Variants in CLUL1 observed in about 807,000 individuals in gnomAD.
CLUL1 encodes the protein clusterin like 1.
A neutral mutation model predicts 49.4 loss-of-function variants in CLUL1; 43 were observed. That is an observed-to-expected ratio of 0.87 (90% CI 0.68 to 1.12). The LOEUF is 1.12. Among genes scored for constraint, CLUL1 ranks in the 50% most tolerant of loss-of-function variants. The probability of loss-of-function intolerance (pLI) is 0.00; values close to 1 mark genes in which losing one functional copy is unlikely to be tolerated. For missense variants in CLUL1, 486 were observed against 544.4 expected, an observed-to-expected ratio of 0.89 and a Z score of 1.07; for synonymous variants, 192 against 184.9, an observed-to-expected ratio of 1.04 and a Z score of -0.31.
At chr18:602,146 T>C (rs1404926606) in intron 1 of CLUL1, among the ~76,000 whole-genome samples, 1 of 152,236 alleles carries the variant, frequency 6.6e-6, no homozygotes, top group Non-Finnish European at 1.5e-5. Flanking sequence ...ATGCAATACA[T>C]GCCCTGACAT....
At chr18:642,849 A>C (rs2074381739) in intron 8 of CLUL1, among the ~76,000 whole-genome samples, 1 of 152,222 alleles carries the variant, frequency 6.6e-6, no homozygotes, top group Admixed American at 6.5e-5. Context: ...CTGCAGGATC[A>C]GGCTGAGGCT....
intron 2 of CLUL1, among the ~76,000 whole-genome samples, chr18:611,239 T>C (rs556354985): frequency 6.6e-6 from 1 of 151,014 alleles, no homozygotes; most frequent in East Asian, 1.9e-4. Flanking sequence ...CCCACCTTTT[T>C]TTTTTTTTTT....
chr18:614,371 AAAG>A (rs2073233438), intron 2 of CLUL1: 1 of 151,696 alleles, frequency 6.6e-6, no homozygotes, highest in African/African-American at 2.4e-5. Flanking sequence ...AAGGAAGGAA[AAAG>A]AAGAGAGGAA....
intron 2 of CLUL1, chr18:613,149 T>C: frequency 1.1e-5 from 3 of 281,790 alleles, no homozygotes; most frequent in Non-Finnish European, 1.7e-5. Context: ...TTTATTGTAT[T>C]TTTTTTGAGA....
intron 3 of CLUL1, 35 bp from the exon 4 acceptor site, chr18:619,178 A>G: frequency 6.2e-7 from 1 of 1,602,582 alleles, no homozygotes; most frequent in Non-Finnish European, 8.5e-7. Context: ...TAATCTGATC[A>G]GATCTCAAAG....
chr18:640,852 T>C (rs1465281009), intron 7 of CLUL1, among the ~76,000 whole-genome samples: 1 of 152,230 alleles, frequency 6.6e-6, no homozygotes. Flanking sequence ...CTTTTTTTTT[T>C]CACTATTTAC....
intron 1 of CLUL1, among the ~76,000 whole-genome samples, chr18:600,073 A>T (rs978252087): frequency 6.6e-6 from 1 of 152,114 alleles, no homozygotes; most frequent in African/African-American, 2.4e-5. Context: ...CTAAAAGCAA[A>T]CTGTTGTTAG....
intron 8 of CLUL1, 103 bp downstream of exon 8, chr18:641,644 A>G: frequency 2.1e-6 from 2 of 964,936 alleles, no homozygotes; most frequent in Non-Finnish European, 1.6e-6. Context: ...AACAAGCTGT[A>G]GGAGGTATTC....
Position 645,042 on chromosome 18 carries a change from A to G in CLUL1, c.1342A>G (p.Ile448Val). The change falls in exon 9 of 10, where the codon ATT (isoleucine) becomes GTT (valine). Residue 448 changes from isoleucine to valine, a missense_variant. Ile to Val is a conservative substitution (Grantham distance 29). Transcript: ENST00000692774. ...LEESAESSNFIGYVVAKALQH... is the reference protein window; with the variant it reads ...LEESAESSNFVGYVVAKALQH... ...AGAAAGTGCTGAGAGTTCTAACTTC[A>G]TTGGCTACGTAGTGGCAAAAGCTCT... The G allele has an allele frequency of 1.9e-6, 3 of 1,612,242 alleles. No individual in the cohort carries two copies. Among genetic ancestry groups the G allele is most frequent in the Non-Finnish European group, 2.5e-6 (3 of 1,179,206 alleles).
chr18:645,652 G>A (rs1360323831), intron 9 of CLUL1, among the ~76,000 whole-genome samples: 3 of 150,228 alleles, frequency 2.0e-5, no homozygotes, highest in Non-Finnish European at 3.0e-5. Flanking sequence ...AAATTAGCCG[G>A]GCGTGGTGGC....
chr18:597,936 A>G (rs2072702781), intron 1 of CLUL1: 1 of 152,100 alleles, frequency 6.6e-6, no homozygotes. Context: ...GCTACCTTAA[A>G]CCGATTACTC....
chr18:635,248 C>G (rs375650629), intron 7 of CLUL1, among the ~76,000 whole-genome samples: 15 of 152,228 alleles, frequency 9.9e-5, no homozygotes, highest in African/African-American at 3.6e-4. Context: ...GCAGGGGGCA[C>G]GTTTGGGGAT....
In CLUL1 at chr18:618,558, T is replaced by C. The variant is rs1251967820; in HGVS notation, c.106+452T>C. Among the ~76,000 whole-genome samples, 1 of 152,196 alleles carries C rather than the reference T, an allele frequency of 6.6e-6. No homozygotes were observed. Among genetic ancestry groups the C allele is most frequent in the Non-Finnish European group, 1.5e-5 (1 of 68,032 alleles). ...TAACTTGCAACTTTGCTTGGTGATA[T>C]ATACTTTGGGTACTTAATATATAGA... On this transcript the variant is annotated intron_variant, in intron 3 of 9. Coordinates refer to ENST00000692774, the MANE Select transcript of CLUL1 (RefSeq NM_001393344.1). This position sits in a 1 kb window ranked among gnomAD's most constrained non-coding sequence, Gnocchi z 4.2.
At position 649,893 on chromosome 18, in the gene CLUL1, T is replaced by TTG; in HGVS notation, c.1398-4_1398-3insGT. 7.2e-7 allele frequency: 1 copy of TTG among 1,396,004 alleles called. No homozygotes were observed. The highest frequency in any genetic ancestry group is 1.0e-6 in the Non-Finnish European group (1 of 992,104). The allele number at this position is 1,396,004 out of a possible 1,614,324, so 86.5% of individuals were successfully genotyped here. On this transcript the variant is annotated splice_region_variant and splice_polypyrimidine_tract_variant and intron_variant, in intron 9 of 9. Coordinates refer to ENST00000692774, the MANE Select transcript of CLUL1 (RefSeq NM_001393344.1). Reference sequence around the variant, plus strand: ...ATCATTGCTGCCTTTTTTTTTTTTTTTAAGGTAAGAAGATCTAATGCATCC... The same window carrying TTG: ...ATCATTGCTGCCTTTTTTTTTTTTTTTGTAAGGTAAGAAGATCTAATGCATCC...
At chr18:644,523 G>A (rs1444935061) in intron 8 of CLUL1, among the ~76,000 whole-genome samples, 1 of 152,314 alleles carries the variant, frequency 6.6e-6, no homozygotes, top group Non-Finnish European at 1.5e-5. Flanking sequence ...GTGGTTAAAC[G>A]TTGCCATGTG....
chr18:637,087 T>C (rs571247371), intron 7 of CLUL1, among the ~76,000 whole-genome samples: 35 of 149,638 alleles, frequency 2.3e-4, no homozygotes, highest in South Asian at 4.3e-4. Context: ...TCTGGGTTCA[T>C]GCCATTCTCC....
rs775423748 is a variant in CLUL1 at position 627,343 on chromosome 18, A to C, written c.670A>C (p.Thr224Pro). Reference protein sequence around the residue: ...QSHFISDTDLTEPYFFPAFSK... With the variant: ...QSHFISDTDLPEPYFFPAFSK... ...ACATTTCATATCAGATACAGACCTA[A>C]CTGAGCCTTACTTTTTTCCAGCTTT... is the stretch of plus-strand genomic sequence containing the variant. Residue 224 changes from threonine to proline, a missense_variant, in exon 6 of 10, where the codon ACT (threonine) becomes CCT (proline). Transcript: ENST00000692774. 4 of 1,613,922 alleles carry C rather than the reference A, an allele frequency of 2.5e-6. No homozygotes were observed. The Admixed American group carries it at 6.7e-5, about 27-fold the overall frequency.
chr18:608,334 T>C (rs1567955820), intron 2 of CLUL1, among the ~76,000 whole-genome samples: 1 of 152,208 alleles, frequency 6.6e-6, no homozygotes, highest in East Asian at 1.9e-4. Flanking sequence ...AATTATGTTT[T>C]ATTCCAGAAC....
chr18:601,139 G>C (rs760726833), intron 1 of CLUL1, among the ~76,000 whole-genome samples: 1 of 152,150 alleles, frequency 6.6e-6, no homozygotes, highest in Non-Finnish European at 1.5e-5. Flanking sequence ...ACTTTCTGGA[G>C]GTGATATTGT....
Sources: gnomAD v4.1 joint callset for allele counts (sites outside exome capture counted in the v4.1 genomes callset) on GRCh38, gnomAD v4.1.1 for gene constraint, Gnocchi (gnomAD v3.1) non-coding constraint, MANE v1.5 for transcripts, NCBI Gene and HGNC (gene_info 2026-07-23, HGNC 2026-07-21) for gene names.